The following SAAL1 variants were observed in gnomAD, a reference collection of about 807,000 sequenced individuals.
SAAL1 encodes protein SAAL1.
SAAL1 carries 42 observed loss-of-function variants against 59.8 expected under a neutral mutation model. The observed-to-expected ratio is 0.70, with a 90% CI of 0.55 to 0.91. The LOEUF (loss-of-function observed/expected upper bound fraction) is 0.91. Ranked by LOEUF, SAAL1 falls within the 40% of genes least tolerant of loss-of-function variation. SAAL1 has a pLI of 0.00. For missense variants in SAAL1, 542 were observed against 561.1 expected, an observed-to-expected ratio of 0.97 and a Z score of 0.34; for synonymous variants, 191 against 194.3, an observed-to-expected ratio of 0.98 and a Z score of 0.14.
At chr11:18,089,239 G>T (rs990238332) in intron 7 of SAAL1, 91 bp downstream of exon 7, 1 of 1,139,030 alleles carries the variant, frequency 8.8e-7, no homozygotes, top group Non-Finnish European at 1.2e-6. Flanking sequence ...ACTTTATTCT[G>T]TTGTAAGGAA....
intron 4 of SAAL1, 142 bp from the exon 5 acceptor site, chr11:18,090,635 T>A: frequency 1.1e-6 from 1 of 886,246 alleles, no homozygotes. Context: ...CTATAGTTAA[T>A]AAATAATTAT....
At chr11:18,101,578 A>T (rs1458912289) in intron 2 of SAAL1, among the ~76,000 whole-genome samples, 1 of 152,160 alleles carries the variant, frequency 6.6e-6, no homozygotes, top group East Asian at 1.9e-4. Flanking sequence ...ACTGAGAGTC[A>T]ATTAAACCTC....
chr11:18,089,833 T>C (rs370502486), intron 6 of SAAL1, among the ~76,000 whole-genome samples: 7 of 152,322 alleles, frequency 4.6e-5, no homozygotes, highest in East Asian at 1.9e-4. Context: ...GATGACTGCT[T>C]GAACACACGA....
intron 7 of SAAL1, among the ~76,000 whole-genome samples, chr11:18,087,896 T>C (rs1352772963): frequency 1.3e-5 from 2 of 152,206 alleles, no homozygotes; most frequent in African/African-American, 2.4e-5. Flanking sequence ...TCATAAACTT[T>C]ATACTCTAAA....
At chr11:18,105,853 C>T (rs574350540) in intron 1 of SAAL1, 54 bp downstream of exon 1, 24 of 1,496,080 alleles carry the variant, frequency 1.6e-5, no homozygotes, top group East Asian at 7.6e-5. Flanking sequence ...AGAGGCGGAG[C>T]CCCGGTGCCT....
At chr11:18,092,114 A>C (rs540310278) in intron 4 of SAAL1, 131 bp downstream of exon 4, 2 of 559,530 alleles carry the variant, frequency 3.6e-6, no homozygotes, top group African/African-American at 3.8e-5. Flanking sequence ...CACACAATGA[A>C]GTTCCCACAG....
chr11:18,101,942 A>C (rs1848638570), intron 2 of SAAL1, among the ~76,000 whole-genome samples: 1 of 152,210 alleles, frequency 6.6e-6, no homozygotes, highest in African/African-American at 2.4e-5. Flanking sequence ...TCTAGAATAC[A>C]TACTAATCTG....
rs762317663 is a variant in SAAL1, at chr11:18,092,348, C to A, written c.334-24G>T. The A allele has an allele frequency of 2.7e-5, 38 of 1,408,462 alleles. No individual in the cohort carries two copies. The South Asian group carries it at 4.5e-4, about 17-fold the overall frequency. The allele number at this position is 1,408,462 out of a possible 1,614,324, so 87.2% of individuals were successfully genotyped here. On this transcript the variant is annotated intron_variant, in intron 3 of 11. Coordinates refer to ENST00000524803, the MANE Select transcript of SAAL1 (RefSeq NM_138421.3). Reference sequence around the variant, plus strand: ...TCCTGCCAAATCAAATTTTACAAGTCACAATGGCTCTGAGACGAAAGACGT... The same window carrying A: ...TCCTGCCAAATCAAATTTTACAAGTAACAATGGCTCTGAGACGAAAGACGT...
At position 18,086,997 on chromosome 11, in the gene SAAL1, T is replaced by A. The variant is rs372728137; in HGVS notation, c.911A>T (p.His304Leu). ...IWNLLFDLVC[H>L]EFCQSDDPPI... ...TGGATCATCAGACTGGCAGAATTCATGGCAGACCAGGTCAAAAAGTAAATT... is the reference window on the plus strand; with the variant it reads ...TGGATCATCAGACTGGCAGAATTCAAGGCAGACCAGGTCAAAAAGTAAATT... The change falls in exon 9 of 12, where the codon CAT becomes CTT. Residue 304 changes from histidine to leucine, a missense_variant. Transcript: ENST00000524803. 10 of 1,614,006 alleles carry A rather than the reference T, an allele frequency of 6.2e-6. No homozygotes were observed. The African/African-American group carries it at 1.3e-4, about 22-fold the overall frequency.
At chr11:18,090,738 T>C (rs1173360190) in intron 4 of SAAL1, 4 of 341,978 alleles carry the variant, frequency 1.2e-5, no homozygotes, top group Non-Finnish European at 2.1e-5. Context: ...CTTTCCCACC[T>C]AGAAATGATG....
At chr11:18,096,518 G>A (rs1848578061) in intron 3 of SAAL1, among the ~76,000 whole-genome samples, 1 of 152,076 alleles carries the variant, frequency 6.6e-6, no homozygotes, top group Admixed American at 6.6e-5. Flanking sequence ...AGGAGGTCAA[G>A]ACTGCAGTGA....
intron 6 of SAAL1, among the ~76,000 whole-genome samples, chr11:18,089,798 C>T (rs902014371): frequency 4.6e-5 from 7 of 152,224 alleles, no homozygotes; most frequent in Admixed American, 4.6e-4. Context: ...CCTATACTCC[C>T]AACACTTTTG....
chr11:18,103,472 G>T, intron 1 of SAAL1, 126 bp from the exon 2 acceptor site: 1 of 719,552 alleles, frequency 1.4e-6, no homozygotes. Flanking sequence ...TTTGATTCCT[G>T]GCCAGGGCCA....
At chr11:18,096,748 G>A (rs779877903) in intron 3 of SAAL1, 23 bp downstream of exon 3, 3 of 1,198,688 alleles carry the variant, frequency 2.5e-6, no homozygotes, top group South Asian at 2.4e-5. Context: ...AAAGAAGAAG[G>A]CTTTAGAAAT....
At chr11:18,102,639 T>C (rs930897394) in intron 2 of SAAL1, among the ~76,000 whole-genome samples, 2 of 152,136 alleles carry the variant, frequency 1.3e-5, no homozygotes, top group African/African-American at 4.8e-5. Flanking sequence ...CAGGAAGCTA[T>C]TGCTAAAGTC....
chr11:18,087,579 T>C (rs535302727), intron 7 of SAAL1, among the ~76,000 whole-genome samples: 17 of 152,228 alleles, frequency 1.1e-4, no homozygotes, highest in Non-Finnish European at 2.4e-4. Context: ...ATTTTTATAG[T>C]ATGAACGTTA....
chr11:18,080,358 TAA>T lies in SAAL1; in HGVS notation c.*39_*40del, dbSNP rs1564868459. The T allele has an allele frequency of 7.9e-7, 1 of 1,264,498 alleles. No homozygotes were observed. Among genetic ancestry groups the T allele is most frequent in the Non-Finnish European group, 1.1e-6 (1 of 893,240 alleles). The allele number at this position is 1,264,498 out of a possible 1,614,324, so 78.3% of individuals were successfully genotyped here. A position where few individuals can be genotyped will look rare whatever the true frequency, so the allele number is the denominator to read the frequency against. On this transcript the variant is annotated 3_prime_UTR_variant, in exon 12 of 12. Coordinates refer to ENST00000524803, the MANE Select transcript of SAAL1 (RefSeq NM_138421.3). ...CAATTTCAACTGTCAGTGAGAAAAA[TAA>T]AGTTTATTTCTTGTACAGAAGTAAT...
Position 18,087,210 on chromosome 11 carries a change from T to C in SAAL1, c.786A>G (p.Glu262=). Residue 262 remains glutamate (E), a synonymous_variant, in exon 8 of 12, where the codon GAA becomes GAG. Coordinates refer to ENST00000524803, the MANE Select transcript of SAAL1 (RefSeq NM_138421.3). ...AAKQVRSENP[E]WLDVYMHILQ... is the part of the protein sequence containing the mutation. ...AAATGTGCATGTAAACATCAAGCCA[T>C]TCTGGATTTTCAGAACTAAATAGGA... 1 of 1,611,868 alleles carries C rather than the reference T, an allele frequency of 6.2e-7. No homozygotes were observed. The highest frequency in any genetic ancestry group is 8.5e-7 in the Non-Finnish European group (1 of 1,178,012).
chr11:18,105,857 G>C (rs992501118), intron 1 of SAAL1, 50 bp downstream of exon 1: 4 of 1,504,890 alleles, frequency 2.7e-6, no homozygotes, highest in African/African-American at 1.4e-5. Context: ...GCGGAGCCCC[G>C]GTGCCTGGGG....
Sources: gnomAD v4.1 joint callset for allele counts (sites outside exome capture counted in the v4.1 genomes callset) on GRCh38, gnomAD v4.1.1 for gene constraint, MANE v1.5 for transcripts, NCBI Gene and HGNC (gene_info 2026-07-23, HGNC 2026-07-21) for gene names.